Variants in ADAMTSL3 observed in about 807,000 individuals in gnomAD.
ADAMTSL3 encodes the protein ADAMTS like 3.
ADAMTSL3 carries 128 observed loss-of-function variants against 201.7 expected under a neutral mutation model. The observed-to-expected ratio is 0.63, with a 90% CI of 0.55 to 0.73. The LOEUF (loss-of-function observed/expected upper bound fraction) is 0.73. Among genes scored for constraint, ADAMTSL3 ranks in the 30% least tolerant of loss-of-function variants. ADAMTSL3 has a pLI of 0.00. For missense variants in ADAMTSL3, 1,990 were observed against 2,119.6 expected (o/e 0.94, Z 1.20); for synonymous variants, 738 against 748.4 (o/e 0.99, Z 0.23).
intron 9 of ADAMTSL3, among the ~76,000 whole-genome samples, chr15:83,881,580 C>T (rs896503724): frequency 5.9e-5 from 9 of 152,164 alleles, no homozygotes; most frequent in East Asian, 1.9e-4. Flanking sequence ...ATGGGCCAGG[C>T]GCTTTGGCTC....
chr15:83,961,287 G>A (rs1417510308), intron 19 of ADAMTSL3, among the ~76,000 whole-genome samples: 2 of 152,116 alleles, frequency 1.3e-5, no homozygotes, highest in Admixed American at 6.5e-5. Context: ...GAACAAAGAT[G>A]TAAAATTGGT....
At chr15:83,838,003 T>C (rs2064307877) in intron 6 of ADAMTSL3, 86 bp from the exon 7 acceptor site, 2 of 1,514,396 alleles carry the variant, frequency 1.3e-6, no homozygotes, top group Admixed American at 2.3e-5. Context: ...AGTTAAGGAT[T>C]ACATCACAAC....
At chr15:83,662,583 GAAAA>G (rs1220894743) in intron 2 of ADAMTSL3, among the ~76,000 whole-genome samples, 9 of 130,130 alleles carry the variant, frequency 6.9e-5, no homozygotes, top group South Asian at 5.9e-4. Context: ...AAAAAAAAAA[GAAAA>G]AAAAGAAAGA....
intron 15 of ADAMTSL3, among the ~76,000 whole-genome samples, chr15:83,903,764 A>G (rs1285320448): frequency 6.6e-6 from 1 of 151,086 alleles, no homozygotes; most frequent in Non-Finnish European, 1.5e-5. Context: ...CTAAAAATAC[A>G]AAAATTAGCC....
At chr15:83,842,007 C>G (rs2064388662) in intron 7 of ADAMTSL3, among the ~76,000 whole-genome samples, 1 of 151,492 alleles carries the variant, frequency 6.6e-6, no homozygotes, top group Admixed American at 6.6e-5. Context: ...CGACCCGACT[C>G]CAGGGGAAGA....
chr15:83,840,697 A>G (rs2064355467), intron 7 of ADAMTSL3, among the ~76,000 whole-genome samples: 1 of 152,228 alleles, frequency 6.6e-6, no homozygotes, highest in Non-Finnish European at 1.5e-5. Context: ...GAGATGGGAA[A>G]CCATGAATTC....
intron 3 of ADAMTSL3, among the ~76,000 whole-genome samples, chr15:83,765,264 C>T (rs1295410448): frequency 1.3e-5 from 2 of 152,104 alleles, no homozygotes; most frequent in East Asian, 3.8e-4. Context: ...TGTTAAAGAC[C>T]TTAAGGTAGT....
chr15:83,822,461 T>C (rs1165948482), intron 6 of ADAMTSL3, among the ~76,000 whole-genome samples: 11 of 94,346 alleles, frequency 1.2e-4, no homozygotes, highest in Admixed American at 4.7e-4. Context: ...AGGCGGAGGG[T>C]CTCCTCACTT....
Position 83,942,902 on chromosome 15 carries a change from G to C in ADAMTSL3, c.2311-1G>C, listed in dbSNP as rs1229965595. ...CGCCTCACCCCCTCTTGTCTTCTTA[G>C]TGTTCCAGGACTTGTGGCGGGGGAA... On this transcript the variant is annotated splice_acceptor_variant, in intron 18 of 29. Coordinates refer to ENST00000286744, the MANE Select transcript of ADAMTSL3 (RefSeq NM_207517.3). LOFTEE classifies it high-confidence loss of function. The C allele has an allele frequency of 6.2e-7, 1 of 1,611,514 alleles. No homozygotes were observed. The highest frequency in any genetic ancestry group is 8.5e-7 in the Non-Finnish European group (1 of 1,178,764).
chr15:83,681,744 C>T (rs529341760), intron 2 of ADAMTSL3, among the ~76,000 whole-genome samples: 12 of 152,258 alleles, frequency 7.9e-5, no homozygotes, highest in African/African-American at 2.9e-4. Context: ...TAACTGCTGT[C>T]GGTGCATGGT....
chr15:83,670,197 G>T (rs555559023), intron 2 of ADAMTSL3, among the ~76,000 whole-genome samples: 92 of 135,570 alleles, frequency 6.8e-4, no homozygotes, highest in African/African-American at 2.4e-3. Context: ...GGCAGAGGTT[G>T]CAGTGAGCTG....
chr15:83,720,905 A>G (rs915925818), intron 3 of ADAMTSL3, among the ~76,000 whole-genome samples: 61 of 152,198 alleles, frequency 4.0e-4, no homozygotes, highest in Non-Finnish European at 6.9e-4. Context: ...GTTTTAAAGC[A>G]TATTTTTTCT....
At chr15:83,813,869 A>G (rs905759403) in intron 5 of ADAMTSL3, among the ~76,000 whole-genome samples, 1 of 152,204 alleles carries the variant, frequency 6.6e-6, no homozygotes. Context: ...AATTCCTAAG[A>G]GAAGTCATGC....
chr15:83,806,743 A>C (rs1239877206), intron 5 of ADAMTSL3, among the ~76,000 whole-genome samples: 2 of 152,134 alleles, frequency 1.3e-5, no homozygotes, highest in African/African-American at 2.4e-5. Flanking sequence ...AATCCCAGCT[A>C]CTTGGGAGGT....
At chr15:83,824,020 T>TTTCTTCC (rs2063960389) in intron 6 of ADAMTSL3, among the ~76,000 whole-genome samples, 1 of 150,582 alleles carries the variant, frequency 6.6e-6, no homozygotes, top group East Asian at 1.9e-4. Flanking sequence ...TTCTTTCTTC[T>TTTCTTCC]TTCTTCCTTC....
At chr15:83,668,021 G>A (rs914165784) in intron 2 of ADAMTSL3, among the ~76,000 whole-genome samples, 16 of 152,078 alleles carry the variant, frequency 1.1e-4, no homozygotes, top group Non-Finnish European at 2.1e-4. Flanking sequence ...AAAGCATAGT[G>A]GAAGTTAGGG....
At chr15:83,800,360 T>A (rs1388498501) in intron 4 of ADAMTSL3, among the ~76,000 whole-genome samples, 2 of 152,134 alleles carry the variant, frequency 1.3e-5, no homozygotes, top group Non-Finnish European at 2.9e-5. Context: ...TAGGTTTATA[T>A]TTTCAGGCTC....
Position 83,776,153 on chromosome 15 carries a change from A to G in ADAMTSL3, c.317+2503A>G, listed in dbSNP as rs116823707. On this transcript the variant is annotated intron_variant, in intron 4 of 29. Coordinates refer to ENST00000286744, the MANE Select transcript of ADAMTSL3 (RefSeq NM_207517.3). ...GAACTCTTCAAGTGGTATCCTTAAA[A>G]TTTCTTCCTCTTGATTTGGGGTTAG... Among the ~76,000 whole-genome samples the G allele has an allele frequency of 3.7e-3, 561 of 152,254 alleles. 3 individuals are homozygous for G. The highest frequency in any genetic ancestry group is 0.013 in the African/African-American group (529 of 41,542).
intron 3 of ADAMTSL3, among the ~76,000 whole-genome samples, chr15:83,714,850 TTCCCTCCCTCCC>T (rs369793230): frequency 0.043 from 2,188 of 50,446 alleles, 167 homozygotes; most frequent in Middle Eastern, 0.065. Flanking sequence ...TTCTCTCTCT[TTCCCTCCCTCCC>T]TCCCTCCCTC....
Sources: allele counts gnomAD v4.1 joint callset (sites outside exome capture counted in the v4.1 genomes callset), GRCh38; gene constraint gnomAD v4.1.1; transcripts MANE v1.5; gene names NCBI Gene and HGNC (gene_info 2026-07-23, HGNC 2026-07-21).